The following ADAMTS17 variants were observed in gnomAD, a reference collection of about 807,000 sequenced individuals.
ADAMTS17 encodes A disintegrin and metalloproteinase with thrombospondin motifs 17.
A neutral mutation model predicts 141.5 loss-of-function variants in ADAMTS17; 113 were observed. That is an observed-to-expected ratio of 0.80 (90% CI 0.69 to 0.93). The LOEUF (loss-of-function observed/expected upper bound fraction) is 0.93. Among genes scored for constraint, ADAMTS17 ranks in the 40% least tolerant of loss-of-function variants. The pLI is 0.00. For synonymous variants in ADAMTS17, 768 were observed against 630.6 expected, an observed-to-expected ratio of 1.22 and a Z score of -3.27; for missense variants, 1,659 against 1,517.9, an observed-to-expected ratio of 1.09 and a Z score of -1.54.
At chr15:100,238,631 C>T (rs895860858) in intron 7 of ADAMTS17, among the ~76,000 whole-genome samples, 3 of 152,202 alleles carry the variant, frequency 2.0e-5, no homozygotes, top group East Asian at 1.9e-4. Context: ...GTCTGGCAGA[C>T]AAGACCAGAG....
At chr15:100,164,639 C>T (rs2141433583) in intron 8 of ADAMTS17, among the ~76,000 whole-genome samples, 1 of 152,304 alleles carries the variant, frequency 6.6e-6, no homozygotes, top group African/African-American at 2.4e-5. Context: ...CTCAGGTGCT[C>T]TCAGAGAGCT....
chr15:100,079,661 C>T (rs1338437128), intron 15 of ADAMTS17, among the ~76,000 whole-genome samples: 1 of 152,152 alleles, frequency 6.6e-6, no homozygotes, highest in East Asian at 1.9e-4. Flanking sequence ...TATATTGTAC[C>T]TTTTCCATCA....
intron 7 of ADAMTS17, among the ~76,000 whole-genome samples, chr15:100,202,354 G>A (rs1180978429): frequency 6.6e-6 from 1 of 152,268 alleles, no homozygotes; most frequent in African/African-American, 2.4e-5. Flanking sequence ...TACAAGAAAT[G>A]CTCTTGCACA....
intron 7 of ADAMTS17, among the ~76,000 whole-genome samples, chr15:100,244,558 G>A (rs146670359): frequency 7.9e-5 from 12 of 151,926 alleles, no homozygotes; most frequent in African/African-American, 1.9e-4. Flanking sequence ...TCATGAGATC[G>A]GATGGTTTCA....
At chr15:100,088,669 C>T (rs990742106) in intron 15 of ADAMTS17, among the ~76,000 whole-genome samples, 1 of 151,830 alleles carries the variant, frequency 6.6e-6, no homozygotes, top group Non-Finnish European at 1.5e-5. Flanking sequence ...AGAACAGAGC[C>T]CTCAGAAATA....
chr15:100,318,847 T>A (rs1297839856), intron 3 of ADAMTS17, among the ~76,000 whole-genome samples: 1 of 152,190 alleles, frequency 6.6e-6, no homozygotes, highest in Non-Finnish European at 1.5e-5. Context: ...GATGGGGGAA[T>A]CTGGCCAGGA....
chr15:100,000,445 G>T (rs2060896716), intron 18 of ADAMTS17, among the ~76,000 whole-genome samples: 1 of 152,158 alleles, frequency 6.6e-6, no homozygotes, highest in Admixed American at 6.5e-5. Context: ...CCCAGATGTG[G>T]CCTGGAAGCA....
At chr15:100,034,965 G>A (rs2030555907) in intron 18 of ADAMTS17, among the ~76,000 whole-genome samples, 1 of 152,134 alleles carries the variant, frequency 6.6e-6, no homozygotes, top group Non-Finnish European at 1.5e-5. Context: ...GGCACACAGA[G>A]CTGGAAGGCC....
intron 12 of ADAMTS17, among the ~76,000 whole-genome samples, chr15:100,127,234 A>C (rs1490060817): frequency 5.9e-5 from 9 of 152,154 alleles, no homozygotes; most frequent in African/African-American, 4.8e-5. Flanking sequence ...TGGCAGATGT[A>C]ATTAAGCTAA....
chr15:100,237,443 C>A (rs1345645988), intron 7 of ADAMTS17, among the ~76,000 whole-genome samples: 1 of 152,162 alleles, frequency 6.6e-6, no homozygotes, highest in Admixed American at 6.5e-5. Flanking sequence ...GAGATCCACA[C>A]GACGACAGGA....
intron 12 of ADAMTS17, among the ~76,000 whole-genome samples, chr15:100,127,335 C>T (rs1325213348): frequency 5.3e-5 from 8 of 152,102 alleles, no homozygotes; most frequent in Admixed American, 5.2e-4. Flanking sequence ...AGAGGACACA[C>T]AGAGAAGAGA....
chr15:100,319,654 G>A (rs118187622), intron 3 of ADAMTS17, among the ~76,000 whole-genome samples: 1,610 of 152,312 alleles, frequency 0.011, 23 homozygotes, highest in Non-Finnish European at 0.012. Context: ...AGGTTACAGT[G>A]AGTCAAGACC....
intron 3 of ADAMTS17, among the ~76,000 whole-genome samples, chr15:100,305,630 T>C (rs2045197788): frequency 6.6e-6 from 1 of 152,216 alleles, no homozygotes; most frequent in African/African-American, 2.4e-5. Context: ...CCCCAGAGAC[T>C]GAGACTGTAC....
intron 3 of ADAMTS17, among the ~76,000 whole-genome samples, chr15:100,286,344 C>T (rs1567488597): frequency 6.6e-6 from 1 of 152,204 alleles, no homozygotes; most frequent in East Asian, 1.9e-4. Flanking sequence ...TGACATGCCA[C>T]CGTGGCTGCT....
chr15:100,173,812 A>C (rs2040242851), intron 8 of ADAMTS17, among the ~76,000 whole-genome samples: 1 of 152,104 alleles, frequency 6.6e-6, no homozygotes, highest in South Asian at 2.1e-4. Flanking sequence ...TCAGGGGCCC[A>C]CCTCAGACCA....
intron 4 of ADAMTS17, among the ~76,000 whole-genome samples, chr15:100,279,933 C>T (rs1423732796): frequency 1.3e-5 from 2 of 152,172 alleles, no homozygotes; most frequent in African/African-American, 4.8e-5. Flanking sequence ...GTTAACCAGG[C>T]TCCTCCTGCA....
intron 3 of ADAMTS17, among the ~76,000 whole-genome samples, chr15:100,290,185 CA>C (rs1171059128): frequency 1.3e-5 from 2 of 152,062 alleles, no homozygotes; most frequent in Non-Finnish European, 2.9e-5. Context: ...AATCAATGCA[CA>C]AAAATCAGTA....
intron 6 of ADAMTS17, among the ~76,000 whole-genome samples, chr15:100,259,735 A>G (rs1285003328): frequency 6.6e-6 from 1 of 152,268 alleles, no homozygotes; most frequent in Non-Finnish European, 1.5e-5. Context: ...GCACACTGTG[A>G]AATGTGTAAC....
At chr15:100,203,821 C>A (rs2900635) in intron 7 of ADAMTS17, among the ~76,000 whole-genome samples, 3 of 151,944 alleles carry the variant, frequency 2.0e-5, no homozygotes, top group African/African-American at 7.3e-5. Context: ...ATCACTTGAA[C>A]GCGGGAGGTA....
Sources: allele counts gnomAD v4.1 joint callset (sites outside exome capture counted in the v4.1 genomes callset), GRCh38; gene constraint gnomAD v4.1.1; transcripts MANE v1.5; gene names NCBI Gene and HGNC (gene_info 2026-07-23, HGNC 2026-07-21).